Variants in CCNL1 observed in about 807,000 individuals in gnomAD.
CCNL1 encodes the protein cyclin L1.
Under a neutral mutation model 60.6 loss-of-function variants are expected in CCNL1, and 13 were observed. The observed-to-expected ratio is 0.21, with a 90% CI of 0.14 to 0.34. The LOEUF is 0.34. CCNL1 is among the 10% of genes least tolerant of loss of function. The pLI, the probability that CCNL1 is intolerant of heterozygous loss-of-function variation, is 1.00. For missense variants in CCNL1, 481 were observed against 664.3 expected, an observed-to-expected ratio of 0.72 and a Z score of 3.03; for synonymous variants, 270 against 244.3, an observed-to-expected ratio of 1.10 and a Z score of -0.98.
chr3:157,153,228 T>G, intron 3 of CCNL1, 72 bp from the exon 4 acceptor site: 1 of 1,512,096 alleles, frequency 6.6e-7, no homozygotes, highest in Non-Finnish European at 9.0e-7. Flanking sequence ...CATCTCCATT[T>G]TCCCTTCCAA....
downstream of CCNL1, chr3:157,146,472 C>G (rs866358644): frequency 5.0e-5 from 22 of 443,212 alleles, no homozygotes; most frequent in South Asian, 1.5e-4. Context: ...CACAGCACTC[C>G]TATTTCCAAG....
chr3:157,155,248 T>C (rs190441145), intron 3 of CCNL1, among the ~76,000 whole-genome samples: 2 of 152,312 alleles, frequency 1.3e-5, no homozygotes, highest in African/African-American at 4.8e-5. Context: ...TTTTTCTCCA[T>C]TTGTTAATAA....
chr3:157,157,161 T>C (rs1159712734), intron 3 of CCNL1: 1 of 1,199,466 alleles, frequency 8.3e-7, no homozygotes, highest in Non-Finnish European at 1.1e-6. Flanking sequence ...AAACTTGTAA[T>C]ATGCATAGAA....
rs998380181 is a variant in CCNL1, at chr3:157,159,798, C to T, written c.297G>A (p.Leu99=). The change falls in exon 1 of 11, where the codon CTG becomes CTA. Residue 99 remains leucine, a synonymous_variant. Transcript: ENST00000295926. The part of the protein sequence containing the change: ...LIQAAGILLR[L]PQVAMATGQV... ...CCGGGGCCGGAGCACTGACCTGCGG[C>T]AGCCGGAGGAGAATGCCGGCGGCCT... 16 of 1,534,600 alleles carry T rather than the reference C, an allele frequency of 1.0e-5. No individual in the cohort carries two copies. The African/African-American group carries it at 2.2e-4, about 21-fold the overall frequency.
rs1738198573 is a variant in CCNL1 at position 157,151,581 on chromosome 3, T to C, written c.674+596A>G. Reference sequence around the variant, plus strand: ...TTGTCGTCTCCTTTGGTAGTATTCATGCTATACACACTAAAAATAAAAATT... The same window carrying C: ...TTGTCGTCTCCTTTGGTAGTATTCACGCTATACACACTAAAAATAAAAATT... On this transcript the variant is annotated intron_variant, in intron 5 of 10. Coordinates refer to ENST00000295926, the MANE Select transcript of CCNL1 (RefSeq NM_020307.4). The C allele has an allele frequency of 7.1e-6, 7 of 987,260 alleles. No individual in the cohort carries two copies. In the South Asian group the frequency reaches 3.3e-4, roughly 46 times the overall value. The allele number at this position is 987,260 out of a possible 1,614,324, so 61.2% of individuals were successfully genotyped here.
intron 3 of CCNL1, among the ~76,000 whole-genome samples, chr3:157,156,069 TCAA>T (rs768496179): frequency 1.3e-5 from 2 of 152,314 alleles, no homozygotes; most frequent in East Asian, 1.9e-4. Flanking sequence ...GACATATAAC[TCAA>T]CAACAACAAA....
chr3:157,156,500 C>G (rs1385582708), intron 3 of CCNL1, among the ~76,000 whole-genome samples: 1 of 152,190 alleles, frequency 6.6e-6, no homozygotes, highest in Non-Finnish European at 1.5e-5. Context: ...GCAATCCCCC[C>G]TCTAAATTTA....
chr3:157,149,987 G>GAA lies in CCNL1; in HGVS notation c.880-12_880-11dup, dbSNP rs61216814. The GAA allele has an allele frequency of 0.37, 598,215 of 1,599,082 alleles. 113,659 individuals carry two copies. Among genetic ancestry groups the GAA allele is most frequent in the Admixed American group, 0.64 (36,720 of 57,368 alleles). On this transcript the variant is annotated splice_polypyrimidine_tract_variant and intron_variant, in intron 7 of 10. Coordinates refer to ENST00000295926, the MANE Select transcript of CCNL1 (RefSeq NM_020307.4). Reference sequence around the variant, plus strand: ...GTAATTCATAGTTTGGCTGTTGGAGGAAAAAAAAGTTAGTATTTCTTCCTT... The same window carrying GAA: ...GTAATTCATAGTTTGGCTGTTGGAGGAAAAAAAAAAGTTAGTATTTCTTCCTT...
intron 3 of CCNL1, among the ~76,000 whole-genome samples, chr3:157,157,838 T>G (rs975375113): frequency 1.3e-5 from 2 of 152,206 alleles, no homozygotes; most frequent in African/African-American, 4.8e-5. Context: ...AATATTTGCT[T>G]GTCTGAATAG....
At chr3:157,151,005 G>A (rs1577071037) in intron 5 of CCNL1, 1 of 985,206 alleles carries the variant, frequency 1.0e-6, no homozygotes, top group Non-Finnish European at 1.2e-6. Context: ...AAAAATTGCT[G>A]AACTTTTATT....
Position 157,160,075 on chromosome 3 carries a change from G to C in CCNL1, c.20C>G (p.Ser7Trp), listed in dbSNP as rs1471424526. 1 of 1,554,596 alleles carries C rather than the reference G, an allele frequency of 6.4e-7. No individual in the cohort carries two copies. Among genetic ancestry groups the C allele is most frequent in the Non-Finnish European group, 8.7e-7 (1 of 1,149,900 alleles). Residue 7 changes from serine to tryptophan, a missense_variant, in exon 1 of 11, where the codon TCG (serine) becomes TGG (tryptophan). This residue lies in a region of CCNL1 where 65 missense variants were observed against 57.5 expected (regional missense o/e 1.13). Transcript: ENST00000295926. Reference protein sequence around the residue: MASGPHSTATAAAAASS... With the variant: MASGPHWTATAAAAASS... Reference sequence around the variant, plus strand: ...GGCGGCTGCGGCAGCAGTAGCTGTCGAATGAGGCCCGGACGCCATAGTCTT... The same window carrying C: ...GGCGGCTGCGGCAGCAGTAGCTGTCCAATGAGGCCCGGACGCCATAGTCTT...
At chr3:157,147,548 T>A (rs914741828), downstream of CCNL1, 18 of 982,490 alleles carry the variant, frequency 1.8e-5, no homozygotes, top group African/African-American at 2.8e-4. Flanking sequence ...CAAAAGCAAA[T>A]CAGGTTTTTT....
At chr3:157,156,125 A>G (rs1459714983) in intron 3 of CCNL1, among the ~76,000 whole-genome samples, 1 of 152,252 alleles carries the variant, frequency 6.6e-6, no homozygotes, top group Non-Finnish European at 1.5e-5. Flanking sequence ...TATGTGTTAC[A>G]AAGACTGAGA....
At chr3:157,158,605 A>T (rs1266093176) in intron 3 of CCNL1, 4 of 275,634 alleles carry the variant, frequency 1.5e-5, no homozygotes, top group Non-Finnish European at 2.8e-5. Context: ...TTTAATCTTA[A>T]GCCACAGGCC....
chr3:157,147,464 T>C (rs1406276839), downstream of CCNL1: 1 of 419,786 alleles, frequency 2.4e-6, no homozygotes, highest in Non-Finnish European at 3.2e-6. Context: ...TACTAAGTTT[T>C]GGTTCATTCA....
chr3:157,155,892 T>C (rs1014712593), intron 3 of CCNL1, among the ~76,000 whole-genome samples: 8 of 152,192 alleles, frequency 5.3e-5, no homozygotes, highest in African/African-American at 1.9e-4. Flanking sequence ...ATTTTCATTA[T>C]CAACACACAA....
At chr3:157,159,007 G>T in intron 2 of CCNL1, 32 bp from the exon 3 acceptor site, 1 of 1,447,904 alleles carries the variant, frequency 6.9e-7, no homozygotes, top group Non-Finnish European at 9.6e-7. Flanking sequence ...AAAAGCCATT[G>T]TTAGATTAAA....
Position 157,150,153 on chromosome 3 carries a change from C to T in CCNL1, c.791G>A (p.Arg264His), listed in dbSNP as rs758280322. 18 of 1,612,066 alleles carry T rather than the reference C, an allele frequency of 1.1e-5. No individual in the cohort carries two copies. Among genetic ancestry groups the T allele is most frequent in the Non-Finnish European group, 5.1e-6 (6 of 1,179,482 alleles). Residue 264 changes from arginine to histidine, a missense_variant, in exon 7 of 11, where the codon CGT becomes CAT. By Grantham distance (29) the Arg-to-His change is conservative. Transcript: ENST00000295926. ...ARALQIPLPT[R>H]PHWFLLFGTT... is the part of the protein sequence containing the mutation. The stretch of plus-strand genomic sequence containing the variant: ...ACCAAAAAGAAGAAACCAATGGGGA[C>T]GAGTTGGCAACGGAATCTAAACCAT...
chr3:157,154,180 A>G (rs1373484934), intron 3 of CCNL1: 2 of 152,240 alleles, frequency 1.3e-5, no homozygotes, highest in African/African-American at 4.8e-5. Context: ...AACTTATAAT[A>G]AAAGACAATC....
Sources: allele counts gnomAD v4.1 joint callset (sites outside exome capture counted in the v4.1 genomes callset), GRCh38; gene constraint gnomAD v4.1.1; regional missense constraint gnomAD v4.1.1; transcripts MANE v1.5; gene names NCBI Gene and HGNC (gene_info 2026-07-23, HGNC 2026-07-21).